MAPK10: variants seen among roughly 807,000 people sequenced by gnomAD.
MAPK10 encodes the protein mitogen-activated protein kinase 10, also known as JNK3 alpha protein kinase.
Under a neutral mutation model 59.3 loss-of-function variants are expected in MAPK10, and 25 were observed. That is an observed-to-expected ratio of 0.42 (90% CI 0.31 to 0.59). The LOEUF (loss-of-function observed/expected upper bound fraction) is 0.59. Among genes scored for constraint, MAPK10 ranks in the 20% least tolerant of loss-of-function variants. The pLI, the probability that MAPK10 is intolerant of heterozygous loss-of-function variation, is 0.15. For synonymous variants in MAPK10, 190 were observed against 200.5 expected, an observed-to-expected ratio of 0.95 and a Z score of 0.44; for missense variants, 351 against 568.9, an observed-to-expected ratio of 0.62 and a Z score of 3.90.
At chr4:86,262,570 T>G (rs1188977030) in intron 2 of MAPK10, among the ~76,000 whole-genome samples, 1 of 152,220 alleles carries the variant, frequency 6.6e-6, no homozygotes, top group African/African-American at 2.4e-5. Flanking sequence ...GCTCCTAGTG[T>G]GTACTGAACC....
chr4:86,579,815 T>C (rs949023322), intron 1 of MAPK10, among the ~76,000 whole-genome samples: 1 of 152,126 alleles, frequency 6.6e-6, no homozygotes, highest in African/African-American at 2.4e-5. Context: ...TTCTATGTTT[T>C]AGATTTTTCT....
At chr4:86,143,693 C>T (rs1340063174) in intron 4 of MAPK10, among the ~76,000 whole-genome samples, 1 of 152,104 alleles carries the variant, frequency 6.6e-6, no homozygotes, top group African/African-American at 2.4e-5. Context: ...GTATCTGGAA[C>T]ATATTAAGTG....
chr4:86,131,825 T>C (rs1046604540), intron 4 of MAPK10, among the ~76,000 whole-genome samples: 1 of 152,182 alleles, frequency 6.6e-6, no homozygotes, highest in Admixed American at 6.5e-5. Flanking sequence ...ATGCTACATT[T>C]ACATTATGAA....
chr4:86,283,912 A>G (rs2094910515), intron 2 of MAPK10, among the ~76,000 whole-genome samples: 1 of 152,176 alleles, frequency 6.6e-6, no homozygotes, highest in South Asian at 2.1e-4. Context: ...CCATGTGGGA[A>G]AAGGGGGGTT....
chr4:86,317,485 A>G (rs892005618), intron 2 of MAPK10, among the ~76,000 whole-genome samples: 5 of 152,204 alleles, frequency 3.3e-5, no homozygotes, highest in African/African-American at 9.7e-5. Flanking sequence ...TCTAATCAGT[A>G]CAGTGCCATA....
At chr4:86,167,712 A>G (rs1038299373) in intron 3 of MAPK10, among the ~76,000 whole-genome samples, 2 of 152,204 alleles carry the variant, frequency 1.3e-5, no homozygotes, top group African/African-American at 4.8e-5. Flanking sequence ...TGGACATAAC[A>G]TATCTCAAAA....
At position 86,064,366 on chromosome 4, in the gene MAPK10, GACA is replaced by G. The variant is rs1460263218; in HGVS notation, c.1007_1009del (p.Leu336del). ...TGCTGGGTCAATCACTAGCATCTTT[GACA>G]ACAAGTCCCTGGCTTGGCTGGCTGA... On this transcript the variant is annotated inframe_deletion, in exon 11 of 14. Transcript: ENST00000641462. 5.0e-6 allele frequency: 8 copies of G among 1,613,978 alleles called. No individual in the cohort carries two copies. Among genetic ancestry groups the G allele is most frequent in the African/African-American group, 1.3e-5 (1 of 74,912 alleles).
chr4:86,303,011 C>T (rs372323812), intron 2 of MAPK10, among the ~76,000 whole-genome samples: 18 of 152,290 alleles, frequency 1.2e-4, no homozygotes, highest in East Asian at 7.7e-4. Flanking sequence ...TCAAACATCC[C>T]ATTACCGGAA....
intron 2 of MAPK10, among the ~76,000 whole-genome samples, chr4:86,211,169 T>A (rs2085700882): frequency 6.6e-6 from 1 of 151,948 alleles, no homozygotes; most frequent in Non-Finnish European, 1.5e-5. Context: ...AAAGATTATA[T>A]AAAGAAATAA....
intron 3 of MAPK10, among the ~76,000 whole-genome samples, chr4:86,162,375 T>C (rs1399645076): frequency 6.6e-6 from 1 of 151,984 alleles, no homozygotes; most frequent in East Asian, 1.9e-4. Flanking sequence ...AAAATGAGGA[T>C]GATTATCTAA....
chr4:86,226,355 T>C (rs2090614995), intron 2 of MAPK10, among the ~76,000 whole-genome samples: 1 of 152,228 alleles, frequency 6.6e-6, no homozygotes, highest in Non-Finnish European at 1.5e-5. Context: ...TTCAAGTTCA[T>C]AGTGCATTTT....
chr4:86,052,189 T>C (rs974787017), intron 11 of MAPK10, among the ~76,000 whole-genome samples: 2 of 152,190 alleles, frequency 1.3e-5, no homozygotes, highest in African/African-American at 4.8e-5. Flanking sequence ...AGTAGGACTT[T>C]TACAGATGAA....
chr4:86,051,237 A>G (rs2043463904), intron 11 of MAPK10, among the ~76,000 whole-genome samples: 1 of 152,194 alleles, frequency 6.6e-6, no homozygotes, highest in South Asian at 2.1e-4. Flanking sequence ...ATTATAGCAC[A>G]TACTCCTGGA....
chr4:86,097,806 A>G (rs2149064569), intron 9 of MAPK10, among the ~76,000 whole-genome samples: 1 of 152,214 alleles, frequency 6.6e-6, no homozygotes, highest in Non-Finnish European at 1.5e-5. Context: ...AGATAGCTCT[A>G]CAAGAAATTT....
intron 3 of MAPK10, among the ~76,000 whole-genome samples, chr4:86,181,770 G>A (rs1049469976): frequency 1.3e-5 from 2 of 152,072 alleles, no homozygotes; most frequent in Non-Finnish European, 2.9e-5. Flanking sequence ...AAACAAATCT[G>A]TAAACTTAGT....
In MAPK10 at chr4:86,256,467, C is replaced by G. The variant is rs183353600; in HGVS notation, c.-6-62060G>C. 3.8e-4 allele frequency among the ~76,000 whole-genome samples: 58 copies of G among 152,056 alleles called. No homozygotes were observed. In the East Asian group the frequency reaches 0.011, roughly 29 times the overall value. ...TTACCAACATTCTCTTTCTGTTTTG[C>G]TTATTCTGAGACCTGAGAGTTCCAT... On this transcript the variant is annotated intron_variant, in intron 2 of 13. Transcript: ENST00000641462.
At chr4:86,035,429 A>T (rs975491406) in intron 11 of MAPK10, among the ~76,000 whole-genome samples, 26 of 151,468 alleles carry the variant, frequency 1.7e-4, no homozygotes, top group African/African-American at 6.3e-4. Context: ...AAGAAAGAAG[A>T]AGAGAAACCA....
At chr4:86,176,800 G>GT (rs2075787276) in intron 3 of MAPK10, among the ~76,000 whole-genome samples, 1 of 151,984 alleles carries the variant, frequency 6.6e-6, no homozygotes, top group South Asian at 2.1e-4. Flanking sequence ...CCGTTATCAT[G>GT]ACAGTACAGA....
At chr4:86,588,346 A>G (rs1306947443) in intron 1 of MAPK10, among the ~76,000 whole-genome samples, 1 of 152,234 alleles carries the variant, frequency 6.6e-6, no homozygotes, top group East Asian at 1.9e-4. Flanking sequence ...AACAAAAGTA[A>G]CATATGGTTG....
Sources: gnomAD v4.1 joint callset for allele counts (sites outside exome capture counted in the v4.1 genomes callset) on GRCh38, gnomAD v4.1.1 for gene constraint, MANE v1.5 for transcripts, NCBI Gene and HGNC (gene_info 2026-07-23, HGNC 2026-07-21) for gene names.